Variants in BLK observed in about 807,000 individuals in gnomAD.
The protein encoded by BLK is BLK proto-oncogene, Src family tyrosine kinase.
Under a neutral mutation model 61.8 loss-of-function variants are expected in BLK, and 64 were observed. The ratio of observed to expected loss-of-function variants is 1.03; its 90% confidence interval spans 0.85 to 1.27. The LOEUF is 1.27. BLK is among the 50% of genes most tolerant of loss of function. The pLI is 0.00. For missense variants in BLK, 853 were observed against 660.5 expected (o/e 1.29, Z -3.19); for synonymous variants, 351 against 272.0 (o/e 1.29, Z -2.86).
At chr8:11,527,179 A>C (rs984525069) in intron 1 of BLK, among the ~76,000 whole-genome samples, 1 of 152,182 alleles carries the variant, frequency 6.6e-6, no homozygotes, top group African/African-American at 2.4e-5. Flanking sequence ...ACAAAACTCA[A>C]CACACCAAAG....
intron 12 of BLK, 147 bp downstream of exon 12, chr8:11,563,257 G>T: frequency 8.3e-7 from 1 of 1,201,816 alleles, no homozygotes; most frequent in Non-Finnish European, 1.2e-6. Context: ...GGCATCTGGG[G>T]TGGAGCTCTG....
intron 1 of BLK, among the ~76,000 whole-genome samples, chr8:11,504,914 T>G (rs1282184344): frequency 6.6e-6 from 1 of 152,090 alleles, no homozygotes; most frequent in Non-Finnish European, 1.5e-5. Flanking sequence ...AAGGGGGTAA[T>G]GGATACAGAG....
intron 1 of BLK, among the ~76,000 whole-genome samples, chr8:11,529,950 A>T (rs1193222028): frequency 1.3e-5 from 2 of 152,228 alleles, no homozygotes; most frequent in Non-Finnish European, 2.9e-5. Flanking sequence ...GGTCATCAGC[A>T]GAAGCTCAAG....
rs1334739786 is a variant in BLK at position 11,494,518 on chromosome 8, C to T, written c.-75C>T. 1 of 152,258 alleles carries T rather than the reference C, an allele frequency of 6.6e-6. No homozygotes were observed. The highest frequency in any genetic ancestry group is 2.4e-5 in the African/African-American group (1 of 41,464). 9.4% of individuals were successfully genotyped at this position (152,258 alleles called of 1,614,324 possible). A position where few individuals can be genotyped will look rare whatever the true frequency, so the allele number is the denominator to read the frequency against. ...TGGTGTTGGAAGTTGCTCGTTGTCG[C>T]TAGGAGCCTGCTCCACTGTAAGGGT... is the stretch of plus-strand genomic sequence containing the variant. On this transcript the variant is annotated 5_prime_UTR_variant, in exon 1 of 13. Transcript: ENST00000259089.
intron 1 of BLK, among the ~76,000 whole-genome samples, chr8:11,537,211 C>A (rs1338279379): frequency 6.6e-6 from 1 of 152,140 alleles, no homozygotes; most frequent in Non-Finnish European, 1.5e-5. Context: ...AGCCATAGGC[C>A]AATCACCGTA....
At chr8:11,526,553 T>C (rs142039393) in intron 1 of BLK, among the ~76,000 whole-genome samples, 3,060 of 152,186 alleles carry the variant, frequency 0.02, 95 homozygotes, top group African/African-American at 0.07. Context: ...ACCCCATCTC[T>C]AATACAAATA....
intron 4 of BLK, among the ~76,000 whole-genome samples, 162 bp from the exon 5 acceptor site, chr8:11,548,862 C>A (rs746587176): frequency 2.7e-4 from 41 of 152,230 alleles, no homozygotes; most frequent in Non-Finnish European, 4.8e-4. Context: ...AGCCACTGTA[C>A]CACTGAGCAG....
At chr8:11,515,230 G>C (rs1799177833) in intron 1 of BLK, among the ~76,000 whole-genome samples, 1 of 152,170 alleles carries the variant, frequency 6.6e-6, no homozygotes, top group South Asian at 2.1e-4. Flanking sequence ...ATGGGTCCTG[G>C]AAGTACAGGC....
chr8:11,540,550 G>C (rs1240005193), intron 1 of BLK, among the ~76,000 whole-genome samples: 1 of 151,770 alleles, frequency 6.6e-6, no homozygotes, highest in African/African-American at 2.4e-5. Context: ...TTTATATTAG[G>C]AACAAGAAAA....
intron 2 of BLK, 176 bp from the exon 3 acceptor site, chr8:11,545,876 G>A: frequency 1.3e-6 from 1 of 745,250 alleles, no homozygotes; most frequent in East Asian, 2.5e-5. Flanking sequence ...TCTGTCTGAG[G>A]GTAGTGCTGG....
chr8:11,518,478 T>C (rs73539735), intron 1 of BLK, among the ~76,000 whole-genome samples: 1,800 of 152,168 alleles, frequency 0.012, 39 homozygotes, highest in African/African-American at 0.041. Context: ...GGGGTGTCTC[T>C]CTCCCTTGCA....
chr8:11,530,750 A>C (rs1448407222), intron 1 of BLK, among the ~76,000 whole-genome samples: 1 of 152,252 alleles, frequency 6.6e-6, no homozygotes, highest in African/African-American at 2.4e-5. Flanking sequence ...TGAAAAGTCG[A>C]AAAGATTTTT....
At chr8:11,527,942 C>T (rs574510967) in intron 1 of BLK, among the ~76,000 whole-genome samples, 1 of 152,150 alleles carries the variant, frequency 6.6e-6, no homozygotes, top group African/African-American at 2.4e-5. Flanking sequence ...TTCAGGTCCC[C>T]CCATAATCCT....
At chr8:11,545,738 T>C (rs1026396934) in intron 2 of BLK, 176 of 433,252 alleles carry the variant, frequency 4.1e-4, no homozygotes, top group African/African-American at 3.2e-3. Flanking sequence ...TGCAGTTTGA[T>C]CTTGTAATGG....
At chr8:11,547,681 A>G (rs1408031761) in intron 3 of BLK, among the ~76,000 whole-genome samples, 1 of 152,166 alleles carries the variant, frequency 6.6e-6, no homozygotes, top group African/African-American at 2.4e-5. Flanking sequence ...GGTGTAGAAT[A>G]AGAAGATGAG....
At chr8:11,507,619 G>A (rs1798826864) in intron 1 of BLK, among the ~76,000 whole-genome samples, 1 of 152,202 alleles carries the variant, frequency 6.6e-6, no homozygotes, top group Non-Finnish European at 1.5e-5. Context: ...ATTTAGAAGA[G>A]GCGAATCAGA....
intron 7 of BLK, 102 bp from the exon 8 acceptor site, chr8:11,555,230 G>C: frequency 8.1e-6 from 12 of 1,483,480 alleles, no homozygotes; most frequent in Non-Finnish European, 1.1e-5. Context: ...CAGGGGGTGG[G>C]GTGGCTGGGG....
chr8:11,554,842 C>A lies in BLK; in HGVS notation c.572C>A (p.Pro191His). ...CLDEGGYYIS[P>H]RITFPSLQAL... ...GATGAAGGGGGCTACTACATCTCCCCCCGGATCACCTTCCCCTCGCTCCAG... is the reference window on the plus strand; with the variant it reads ...GATGAAGGGGGCTACTACATCTCCCACCGGATCACCTTCCCCTCGCTCCAG... The change falls in exon 7 of 13, where the codon CCC becomes CAC. Residue 191 changes from proline (P) to histidine (H), a missense_variant. Coordinates refer to ENST00000259089, the MANE Select transcript of BLK (RefSeq NM_001715.3). 2 of 1,614,036 alleles carry A rather than the reference C, an allele frequency of 1.2e-6. No homozygotes were observed. Among genetic ancestry groups the A allele is most frequent in the African/African-American group, 1.3e-5 (1 of 75,034 alleles).
At chr8:11,547,225 A>T (rs1800686924) in intron 3 of BLK, among the ~76,000 whole-genome samples, 1 of 152,176 alleles carries the variant, frequency 6.6e-6, no homozygotes, top group South Asian at 2.1e-4. Context: ...TGAATCTTAA[A>T]ACTTCAGGGA....
Sources: allele counts gnomAD v4.1 joint callset (sites outside exome capture counted in the v4.1 genomes callset), GRCh38; gene constraint gnomAD v4.1.1; transcripts MANE v1.5; gene names NCBI Gene and HGNC (gene_info 2026-07-23, HGNC 2026-07-21).